DGKB: variants seen among roughly 807,000 people sequenced by gnomAD.
The protein encoded by DGKB is diacylglycerol kinase beta.
DGKB carries 67 observed loss-of-function variants against 114.3 expected under a neutral mutation model. That is an observed-to-expected ratio of 0.59 (90% CI 0.48 to 0.72). The LOEUF (loss-of-function observed/expected upper bound fraction) is 0.72, where lower values mean the gene tolerates loss of function less well. Among genes scored for constraint, DGKB ranks in the 30% least tolerant of loss-of-function variants. The pLI is 0.00. For synonymous variants in DGKB, 398 were observed against 323.1 expected, an observed-to-expected ratio of 1.23 and a Z score of -2.49; for missense variants, 907 against 975.2, an observed-to-expected ratio of 0.93 and a Z score of 0.93.
intron 2 of DGKB, among the ~76,000 whole-genome samples, chr7:14,770,469 A>G (rs147200214): frequency 6.6e-6 from 1 of 152,132 alleles, no homozygotes; most frequent in African/African-American, 2.4e-5. Flanking sequence ...CAGGGAGAGC[A>G]TGCCTCCATG....
chr7:14,809,564 G>A (rs1240755722), intron 2 of DGKB, among the ~76,000 whole-genome samples: 1 of 152,120 alleles, frequency 6.6e-6, no homozygotes, highest in African/African-American at 2.4e-5. Context: ...GAAATTTGGA[G>A]TCCCCTACTA....
intron 14 of DGKB, among the ~76,000 whole-genome samples, chr7:14,627,652 G>A (rs1386107907): frequency 6.6e-6 from 1 of 151,562 alleles, no homozygotes; most frequent in African/African-American, 2.4e-5. Context: ...ATATACAAAA[G>A]AAGACTTTGG....
intron 2 of DGKB, among the ~76,000 whole-genome samples, chr7:14,787,076 G>A (rs1455398696): frequency 6.6e-6 from 1 of 152,150 alleles, no homozygotes; most frequent in Admixed American, 6.5e-5. Flanking sequence ...CCGTTTGGGT[G>A]TCCTGAGAGC....
intron 4 of DGKB, among the ~76,000 whole-genome samples, chr7:14,747,175 A>C (rs911917518): frequency 6.7e-6 from 1 of 149,528 alleles, no homozygotes; most frequent in Non-Finnish European, 1.5e-5. Flanking sequence ...GCAATGTGGG[A>C]AAACACAAAC....
At chr7:14,701,860 A>C (rs1825248252) in intron 6 of DGKB, 130 bp from the exon 7 acceptor site, 4 of 621,240 alleles carry the variant, frequency 6.4e-6, no homozygotes, top group Non-Finnish European at 5.8e-6. Context: ...CAAACAATTA[A>C]TTTGTGGGAT....
chr7:14,201,536 G>A (rs958340021), intron 23 of DGKB, among the ~76,000 whole-genome samples: 1 of 151,948 alleles, frequency 6.6e-6, no homozygotes, highest in Non-Finnish European at 1.5e-5. Context: ...ATAGCCACCT[G>A]GGGAGTGTCG....
intron 1 of DGKB, among the ~76,000 whole-genome samples, chr7:14,957,132 C>T (rs1211030485): frequency 6.6e-6 from 1 of 151,742 alleles, no homozygotes; most frequent in Non-Finnish European, 1.5e-5. Context: ...AATCGAATAT[C>T]CCAGTTTTTT....
At chr7:14,481,428 T>C (rs1165139929) in intron 20 of DGKB, among the ~76,000 whole-genome samples, 2 of 151,954 alleles carry the variant, frequency 1.3e-5, no homozygotes, top group Non-Finnish European at 2.9e-5. Context: ...ATTGTCTTTA[T>C]AAAATGTAAA....
At chr7:14,320,382 C>T (rs575075055) in intron 23 of DGKB, among the ~76,000 whole-genome samples, 1 of 152,106 alleles carries the variant, frequency 6.6e-6, no homozygotes, top group Non-Finnish European at 1.5e-5. Context: ...GTCCAAGTAG[C>T]ACGTCCAGAG....
At chr7:14,197,822 G>A (rs1254562256) in intron 23 of DGKB, among the ~76,000 whole-genome samples, 2 of 152,098 alleles carry the variant, frequency 1.3e-5, no homozygotes, top group Non-Finnish European at 2.9e-5. Context: ...AGTGGTTTCT[G>A]TTTGACAAGC....
At chr7:14,557,617 C>T (rs1341458924) in intron 20 of DGKB, among the ~76,000 whole-genome samples, 4 of 151,290 alleles carry the variant, frequency 2.6e-5, no homozygotes, top group Non-Finnish European at 4.4e-5. Flanking sequence ...ATAATTTTGT[C>T]CTCCATATAC....
At chr7:14,782,745 G>C (rs1458502264) in intron 2 of DGKB, among the ~76,000 whole-genome samples, 8 of 152,132 alleles carry the variant, frequency 5.3e-5, no homozygotes, top group Admixed American at 5.2e-4. Flanking sequence ...TAGAAGATGG[G>C]AAAGTCTATT....
Position 14,849,528 on chromosome 7 carries a change from T to C in DGKB, c.-187-8078A>G, listed in dbSNP as rs375753615. 2.6e-5 allele frequency among the ~76,000 whole-genome samples: 4 copies of C among 152,236 alleles called. No individual in the cohort carries two copies. In the South Asian group the frequency reaches 8.3e-4, roughly 32 times the overall value. On this transcript the variant is annotated intron_variant, in intron 1 of 25. Transcript: ENST00000402815. ...TCACCAGATGCTGGCACCTAGATCTTGGATTTCCCAGCCTCCAATACTGTT... is the reference window on the plus strand; with the variant it reads ...TCACCAGATGCTGGCACCTAGATCTCGGATTTCCCAGCCTCCAATACTGTT...
chr7:14,430,901 C>A (rs547817979), intron 21 of DGKB, among the ~76,000 whole-genome samples: 2 of 152,252 alleles, frequency 1.3e-5, no homozygotes, highest in South Asian at 2.1e-4. Context: ...AACCATCCTG[C>A]CAACAATTCT....
At chr7:14,954,604 T>C (rs1057054565) in intron 1 of DGKB, among the ~76,000 whole-genome samples, 4 of 151,982 alleles carry the variant, frequency 2.6e-5, no homozygotes, top group African/African-American at 7.2e-5. Flanking sequence ...TGTGATTTTT[T>C]TGGGGGGAGG....
intron 20 of DGKB, among the ~76,000 whole-genome samples, chr7:14,564,836 T>C (rs1468263386): frequency 6.6e-6 from 1 of 152,156 alleles, no homozygotes; most frequent in Non-Finnish European, 1.5e-5. Flanking sequence ...TTCCAGGGCA[T>C]TTCCCATGCC....
In DGKB at chr7:14,741,354, T is replaced by C. The variant is rs562112721; in HGVS notation, c.169-5160A>G. 2.9e-3 allele frequency among the ~76,000 whole-genome samples: 437 copies of C among 152,292 alleles called. 2 individuals are homozygous for C. Among genetic ancestry groups the C allele is most frequent in the African/African-American group, 0.01 (420 of 41,556 alleles). On this transcript the variant is annotated intron_variant, in intron 4 of 25. Transcript: ENST00000402815. ...AAGTTTTGATTAATCAAAAAGTATT[T>C]ATGAGGTTGGTCTCAAGCTGTAGCC... is the stretch of plus-strand genomic sequence containing the variant.
At chr7:14,467,496 A>G (rs552755696) in intron 21 of DGKB, among the ~76,000 whole-genome samples, 1 of 152,006 alleles carries the variant, frequency 6.6e-6, no homozygotes, top group East Asian at 1.9e-4. Context: ...ATAAAACATA[A>G]CACACATTTT....
chr7:14,846,938 G>A (rs1487337352), intron 1 of DGKB, among the ~76,000 whole-genome samples: 5 of 152,154 alleles, frequency 3.3e-5, no homozygotes, highest in African/African-American at 1.2e-4. Flanking sequence ...AGATTTATAA[G>A]TAATTATTAG....
Sources: gnomAD v4.1 joint callset for allele counts (sites outside exome capture counted in the v4.1 genomes callset) on GRCh38, gnomAD v4.1.1 for gene constraint, MANE v1.5 for transcripts, NCBI Gene and HGNC (gene_info 2026-07-23, HGNC 2026-07-21) for gene names.